The following GPM6B variants were observed in gnomAD, a reference collection of about 807,000 sequenced individuals.
The protein encoded by GPM6B is neuronal membrane glycoprotein M6-b.
A neutral mutation model predicts 27.2 loss-of-function variants in GPM6B; 4 were observed. The ratio of observed to expected loss-of-function variants is 0.15; its 90% CI spans 0.07 to 0.34. GPM6B has a LOEUF of 0.34. Ranked by LOEUF, GPM6B falls within the 10% of genes least tolerant of loss-of-function variation. The probability of loss-of-function intolerance (pLI) is 1.00; values close to 1 mark genes in which losing one functional copy is unlikely to be tolerated. For missense variants in GPM6B, 183 were observed against 261.9 expected, an observed-to-expected ratio of 0.70 and a Z score of 2.08; for synonymous variants, 124 against 103.1, an observed-to-expected ratio of 1.20 and a Z score of -1.23.
At chrX:13,911,124 T>A (rs966302098) in intron 1 of GPM6B, among the ~76,000 whole-genome samples, 1 of 112,276 alleles carries the variant, frequency 8.9e-6, no homozygotes, top group African/African-American at 3.2e-5. Context: ...ACTGGTATTT[T>A]AAATCTGGCA....
intron 1 of GPM6B, among the ~76,000 whole-genome samples, chrX:13,933,358 T>C (rs983750413): frequency 2.7e-5 from 3 of 111,928 alleles, no homozygotes; most frequent in African/African-American, 9.7e-5. Flanking sequence ...GATGCTCTCT[T>C]ACCAATGTTT....
intron 1 of GPM6B, among the ~76,000 whole-genome samples, chrX:13,938,174 A>C (rs952473257): frequency 9.0e-6 from 1 of 111,222 alleles, no homozygotes; most frequent in Non-Finnish European, 1.9e-5. Context: ...CCTTAAAATA[A>C]AGCACTAGCC....
intron 1 of GPM6B, among the ~76,000 whole-genome samples, chrX:13,907,482 G>A (rs189074738): frequency 2.7e-5 from 3 of 111,750 alleles, no homozygotes; most frequent in African/African-American, 6.5e-5. Flanking sequence ...TCAGGAGTTC[G>A]AGACCAGCCT....
At chrX:13,809,739 C>T (rs2049089847) in intron 1 of GPM6B, among the ~76,000 whole-genome samples, 1 of 110,905 alleles carries the variant, frequency 9.0e-6, no homozygotes, top group Non-Finnish European at 1.9e-5. Flanking sequence ...GAGTTTGATA[C>T]CAGCCTGGCC....
chrX:13,889,153 A>G (rs140093472), intron 1 of GPM6B: 14,534 of 111,152 alleles, frequency 0.13, 750 homozygotes, highest in Admixed American at 0.16. Flanking sequence ...ATTAATAATT[A>G]TAAAACTACT....
intron 1 of GPM6B, among the ~76,000 whole-genome samples, chrX:13,859,548 GA>G (rs1354802214): frequency 1.8e-5 from 2 of 110,308 alleles, no homozygotes; most frequent in East Asian, 5.6e-4. Context: ...TGTGTACAGA[GA>G]TTTTTTTTTA....
chrX:13,820,405 G>A (rs1291202762), upstream of GPM6B, among the ~76,000 whole-genome samples: 1 of 110,815 alleles, frequency 9.0e-6, no homozygotes, highest in African/African-American at 3.3e-5. Flanking sequence ...CCAAAGAGAA[G>A]GAAGAAGTTT....
chrX:13,864,193 T>C (rs2049883197), intron 1 of GPM6B, among the ~76,000 whole-genome samples: 1 of 112,788 alleles, frequency 8.9e-6, no homozygotes, highest in East Asian at 2.8e-4. Context: ...ATCGATGCTG[T>C]CCCTTAACCT....
intron 1 of GPM6B, among the ~76,000 whole-genome samples, chrX:13,860,501 G>A (rs1181893452): frequency 9.5e-6 from 1 of 105,147 alleles, no homozygotes; most frequent in African/African-American, 3.5e-5. Flanking sequence ...AAACACTGTA[G>A]GAAGGTATCC....
intron 2 of GPM6B, among the ~76,000 whole-genome samples, chrX:13,790,080 T>A (rs5979968): frequency 0.33 from 36,730 of 110,875 alleles, 4,670 homozygotes; most frequent in Non-Finnish European, 0.4. Context: ...TCTCAAACTC[T>A]TGGGCTCAAG....
intron 1 of GPM6B, chrX:13,889,667 A>T (rs980045341): frequency 9.0e-6 from 1 of 111,274 alleles, no homozygotes; most frequent in African/African-American, 3.3e-5. Context: ...AAATTGTGGT[A>T]AACTATACAT....
At chrX:13,859,275 CT>C (rs1303533370) in intron 1 of GPM6B, among the ~76,000 whole-genome samples, 1 of 112,069 alleles carries the variant, frequency 8.9e-6, no homozygotes, top group Non-Finnish European at 1.9e-5. Context: ...CACTGATCTA[CT>C]TTTTGTTGCC....
intron 1 of GPM6B, among the ~76,000 whole-genome samples, chrX:13,859,550 T>TA (rs1007784989): frequency 9.1e-5 from 10 of 109,423 alleles, no homozygotes; most frequent in African/African-American, 3.4e-4. Flanking sequence ...TGTACAGAGA[T>TA]TTTTTTTTAC....
intron 3 of GPM6B, chrX:13,783,960 G>GTAA (rs1396110722): frequency 2.4e-5 from 7 of 293,949 alleles, no homozygotes; most frequent in Non-Finnish European, 4.6e-5. Context: ...CAGGCCTAGT[G>GTAA]GTTAATGTCA....
intron 1 of GPM6B, among the ~76,000 whole-genome samples, chrX:13,891,538 CAG>C (rs1168301948): frequency 3.6e-5 from 4 of 112,388 alleles, no homozygotes; most frequent in African/African-American, 1.3e-4. Context: ...GGCGGAAACA[CAG>C]AGGGAGAAAT....
chrX:13,938,094 A>G (rs1921930562), intron 1 of GPM6B, among the ~76,000 whole-genome samples: 1 of 109,815 alleles, frequency 9.1e-6, no homozygotes, highest in Admixed American at 9.6e-5. Context: ...GCGGGGCAGG[A>G]CTGGACTGGG....
At chrX:13,855,614 T>C (rs1272017238) in intron 1 of GPM6B, among the ~76,000 whole-genome samples, 2 of 112,020 alleles carry the variant, frequency 1.8e-5, no homozygotes, top group Non-Finnish European at 3.8e-5. Flanking sequence ...AGCAAAAAAT[T>C]TCAAAATTGC....
chrX:13,870,198 A>AATC (rs1409145899), intron 1 of GPM6B, among the ~76,000 whole-genome samples: 1 of 112,319 alleles, frequency 8.9e-6, no homozygotes, highest in African/African-American at 3.2e-5. Flanking sequence ...TCATGACATT[A>AATC]ACCTTGATCA....
chrX:13,787,750 T>C (rs919399197), intron 2 of GPM6B, among the ~76,000 whole-genome samples: 1 of 111,845 alleles, frequency 8.9e-6, no homozygotes, highest in East Asian at 2.8e-4. Flanking sequence ...GTTCCCAAAC[T>C]AAGAGAAACT....
Sources: allele counts gnomAD v4.1 joint callset (sites outside exome capture counted in the v4.1 genomes callset), GRCh38; gene constraint gnomAD v4.1.1; transcripts MANE v1.5; gene names NCBI Gene and HGNC (gene_info 2026-07-23, HGNC 2026-07-21).